The following TRIM33 variants were observed in gnomAD, a reference collection of about 807,000 sequenced individuals.
TRIM33 encodes E3 ubiquitin-protein ligase TRIM33.
A neutral mutation model predicts 125.4 loss-of-function variants in TRIM33; 20 were observed. That is an observed-to-expected ratio of 0.16 (90% CI 0.11 to 0.23). The LOEUF (loss-of-function observed/expected upper bound fraction) is 0.23. TRIM33 is among the 10% of genes least tolerant of loss of function. TRIM33 has a pLI of 1.00. For synonymous variants in TRIM33, 564 were observed against 513.9 expected (o/e 1.10, Z -1.32); for missense variants, 920 against 1,411.4 (o/e 0.65, Z 5.58).
chr1:114,510,183 C>T (rs1433283726), intron 1 of TRIM33, among the ~76,000 whole-genome samples: 1 of 152,156 alleles, frequency 6.6e-6, no homozygotes, highest in Non-Finnish European at 1.5e-5. Flanking sequence ...CAACACCTCG[C>T]TGGCCCGGGC....
intron 4 of TRIM33, among the ~76,000 whole-genome samples, chr1:114,451,371 CT>C (rs1292532935): frequency 7.9e-6 from 1 of 126,194 alleles, no homozygotes; most frequent in African/African-American, 3.3e-5. Flanking sequence ...CATTACCCTG[CT>C]TTAAAAAAAA....
chr1:114,444,889 T>G (rs1463061094), intron 4 of TRIM33, among the ~76,000 whole-genome samples: 1 of 151,980 alleles, frequency 6.6e-6, no homozygotes, highest in African/African-American at 2.4e-5. Context: ...GAGCTAAAAG[T>G]TTAAATGGGC....
At chr1:114,398,139 C>CA in intron 18 of TRIM33, 149 bp from the exon 19 acceptor site, 1 of 749,796 alleles carries the variant, frequency 1.3e-6, no homozygotes, top group Non-Finnish European at 2.1e-6. Context: ...TAAAATTCTA[C>CA]AGAACATGGA....
At chr1:114,495,945 C>T (rs1436081581) in intron 1 of TRIM33, among the ~76,000 whole-genome samples, 2 of 152,176 alleles carry the variant, frequency 1.3e-5, no homozygotes, top group Non-Finnish European at 2.9e-5. Flanking sequence ...TCTTACCTCT[C>T]CAGCGAGATT....
At chr1:114,502,058 T>C (rs865984470) in intron 1 of TRIM33, among the ~76,000 whole-genome samples, 17 of 152,220 alleles carry the variant, frequency 1.1e-4, no homozygotes, top group Non-Finnish European at 2.1e-4. Flanking sequence ...TTGGCTTAGA[T>C]AGACTGTCAT....
At position 114,397,639 on chromosome 1, in the gene TRIM33, C is replaced by T; in HGVS notation, c.*9G>A. On this transcript the variant is annotated 3_prime_UTR_variant, in exon 20 of 20. Coordinates refer to ENST00000358465, the MANE Select transcript of TRIM33 (RefSeq NM_015906.4). ...TTTTTTTAAACAATTGATTTAAATCCATGTCATTTTACTTTATATGTACTG... is the reference window on the plus strand; with the variant it reads ...TTTTTTTAAACAATTGATTTAAATCTATGTCATTTTACTTTATATGTACTG... 1 of 913,292 alleles carries T rather than the reference C, an allele frequency of 1.1e-6. No individual in the cohort carries two copies. The highest frequency in any genetic ancestry group is 1.6e-6 in the Non-Finnish European group (1 of 623,226). The allele number at this position is 913,292 out of a possible 1,614,324, so 56.6% of individuals were successfully genotyped here.
intron 1 of TRIM33, among the ~76,000 whole-genome samples, chr1:114,500,307 T>A (rs1406234325): frequency 2.0e-5 from 3 of 151,898 alleles, no homozygotes; most frequent in Non-Finnish European, 4.4e-5. Context: ...CACTGACAGG[T>A]TTTTTGTTGT....
intron 4 of TRIM33, among the ~76,000 whole-genome samples, chr1:114,437,075 G>A (rs1349089067): frequency 2.0e-5 from 3 of 152,140 alleles, no homozygotes; most frequent in African/African-American, 7.2e-5. Flanking sequence ...ATTTAACCAT[G>A]TACAAATTCC....
chr1:114,424,809 C>T, intron 9 of TRIM33, 54 bp from the exon 10 acceptor site: 1 of 1,165,484 alleles, frequency 8.6e-7, no homozygotes, highest in Non-Finnish European at 1.1e-6. Flanking sequence ...AAATTTATCT[C>T]AATTATAAAA....
intron 1 of TRIM33, among the ~76,000 whole-genome samples, chr1:114,470,353 T>G (rs1650563981): frequency 6.6e-6 from 1 of 152,220 alleles, no homozygotes; most frequent in African/African-American, 2.4e-5. Context: ...TCCTAACTTA[T>G]AAATTATTAT....
chr1:114,402,688 GA>G (rs533288054), intron 16 of TRIM33, 71 bp downstream of exon 16: 208 of 1,475,198 alleles, frequency 1.4e-4, no homozygotes, highest in South Asian at 2.6e-4. Context: ...TGCTACACAG[GA>G]AAAAAAAAGG....
At chr1:114,416,458 A>G (rs1023233927) in intron 11 of TRIM33, among the ~76,000 whole-genome samples, 2 of 152,234 alleles carry the variant, frequency 1.3e-5, no homozygotes, top group African/African-American at 4.8e-5. Context: ...CCATTAATAC[A>G]TCTGACTTAG....
intron 1 of TRIM33, among the ~76,000 whole-genome samples, chr1:114,500,898 C>G (rs1014606241): frequency 7.5e-6 from 1 of 134,154 alleles, no homozygotes; most frequent in Non-Finnish European, 1.6e-5. Flanking sequence ...TTTCTTGAAA[C>G]AAGAATTTGG....
At chr1:114,441,193 C>T (rs1045429703) in intron 4 of TRIM33, among the ~76,000 whole-genome samples, 3 of 152,182 alleles carry the variant, frequency 2.0e-5, no homozygotes, top group African/African-American at 7.2e-5. Context: ...CCTGTGCTTC[C>T]AGCTACTTGA....
At chr1:114,437,552 T>G (rs1237544391) in intron 4 of TRIM33, among the ~76,000 whole-genome samples, 2 of 152,152 alleles carry the variant, frequency 1.3e-5, no homozygotes, top group African/African-American at 4.8e-5. Context: ...TTGGCCAGGA[T>G]GGTCTCAGTC....
At chr1:114,403,556 GAC>G in intron 15 of TRIM33, among the ~76,000 whole-genome samples, 1 of 151,888 alleles carries the variant, frequency 6.6e-6, no homozygotes, top group East Asian at 1.9e-4. Context: ...TTTTTTTTGA[GAC>G]ACAGTTTCAC....
At chr1:114,474,941 T>C (rs568820589) in intron 1 of TRIM33, among the ~76,000 whole-genome samples, 1 of 146,942 alleles carries the variant, frequency 6.8e-6, no homozygotes, top group East Asian at 2.0e-4. Context: ...TCAGATAAAA[T>C]AGACCCTTAC....
intron 11 of TRIM33, among the ~76,000 whole-genome samples, chr1:114,415,760 G>A (rs934928606): frequency 2.0e-5 from 3 of 151,988 alleles, no homozygotes; most frequent in African/African-American, 7.2e-5. Context: ...AGACCAGCCT[G>A]GCCAACATGG....
chr1:114,423,123 C>G (rs1004582564), intron 10 of TRIM33, among the ~76,000 whole-genome samples: 2 of 152,118 alleles, frequency 1.3e-5, no homozygotes, highest in African/African-American at 4.8e-5. Context: ...TTTGTATCTT[C>G]TAATAGTCTT....
Sources: allele counts gnomAD v4.1 joint callset (sites outside exome capture counted in the v4.1 genomes callset), GRCh38; gene constraint gnomAD v4.1.1; transcripts MANE v1.5; gene names NCBI Gene and HGNC (gene_info 2026-07-23, HGNC 2026-07-21).